PTPRM: variants seen among roughly 807,000 people sequenced by gnomAD.
The protein encoded by PTPRM is protein tyrosine phosphatase receptor type M.
In PTPRM, 47 loss-of-function variants were observed where a neutral mutation model predicts 186.7. The observed-to-expected ratio is 0.25, with a 90% CI of 0.20 to 0.32. PTPRM has a LOEUF of 0.32. PTPRM is among the 10% of genes least tolerant of loss of function. The pLI is 1.00. For missense variants in PTPRM, 1,494 were observed against 1,865.0 expected (o/e 0.80, Z 3.66); for synonymous variants, 668 against 674.9 (o/e 0.99, Z 0.16).
chr18:8,125,942 A>G lies in PTPRM; in HGVS notation c.2167+11115A>G, dbSNP rs1218774618. Among the ~76,000 whole-genome samples, 7 of 140,070 alleles carry G rather than the reference A, an allele frequency of 5.0e-5. No individual in the cohort carries two copies. The East Asian group carries it at 1.5e-3, about 30-fold the overall frequency. The allele number at this position is 140,070 out of a possible 152,430, so 91.9% of individuals were successfully genotyped here. ...TGATTTAATAACCCAGCCAACCCTG[A>G]CATGCTGTGGAGAATGCTATATGTG... is the stretch of plus-strand genomic sequence containing the variant. On this transcript the variant is annotated intron_variant, in intron 13 of 32. Transcript: ENST00000580170.
intron 2 of PTPRM, among the ~76,000 whole-genome samples, chr18:7,836,780 T>A (rs2046072920): frequency 6.6e-6 from 1 of 152,204 alleles, no homozygotes; most frequent in Non-Finnish European, 1.5e-5. Flanking sequence ...GGATAAAAGT[T>A]TTTTTTCCTT....
chr18:7,804,723 A>C (rs1464981546), intron 2 of PTPRM, among the ~76,000 whole-genome samples: 1 of 152,240 alleles, frequency 6.6e-6, no homozygotes, highest in Non-Finnish European at 1.5e-5. Context: ...ATTAAACTTT[A>C]TATAATAATG....
chr18:8,224,131 C>T (rs548575837), intron 14 of PTPRM, among the ~76,000 whole-genome samples: 2 of 152,296 alleles, frequency 1.3e-5, no homozygotes, highest in East Asian at 3.9e-4. Context: ...GATGAAACCC[C>T]ACTTTTCTAC....
chr18:8,108,254 A>C, intron 11 of PTPRM, among the ~76,000 whole-genome samples: 1 of 152,294 alleles, frequency 6.6e-6, no homozygotes, highest in African/African-American at 2.4e-5. Flanking sequence ...TCAAGCCAAA[A>C]GTCACTACTA....
chr18:8,153,609 A>G (rs1420971180), intron 14 of PTPRM, among the ~76,000 whole-genome samples: 1 of 152,240 alleles, frequency 6.6e-6, no homozygotes, highest in Non-Finnish European at 1.5e-5. Context: ...ACTTGCTATT[A>G]TCTTTAGACT....
chr18:8,059,375 A>T (rs868765250), intron 7 of PTPRM, among the ~76,000 whole-genome samples: 1,009 of 72,758 alleles, frequency 0.014, 28 homozygotes, highest in African/African-American at 0.061. Flanking sequence ...GGGGTTTTCT[A>T]GATAAACAAT....
At chr18:7,801,365 T>A (rs925365823) in intron 2 of PTPRM, among the ~76,000 whole-genome samples, 2 of 152,152 alleles carry the variant, frequency 1.3e-5, no homozygotes, top group Admixed American at 1.3e-4. Context: ...ACCCTAGGCC[T>A]AGAATTGGTC....
intron 1 of PTPRM, among the ~76,000 whole-genome samples, chr18:7,636,905 C>T (rs1442313293): frequency 6.6e-6 from 1 of 152,108 alleles, no homozygotes; most frequent in Admixed American, 6.5e-5. Flanking sequence ...TGATGGCTCA[C>T]TCCTGTAATC....
intron 1 of PTPRM, among the ~76,000 whole-genome samples, chr18:7,677,824 A>G (rs609201): frequency 0.22 from 32,684 of 151,228 alleles, 5,798 homozygotes; most frequent in African/African-American, 0.49. Flanking sequence ...AGCAGTACCC[A>G]CTCCCTTGTC....
intron 1 of PTPRM, among the ~76,000 whole-genome samples, chr18:7,599,558 C>T (rs968885487): frequency 6.6e-6 from 1 of 152,216 alleles, no homozygotes; most frequent in Non-Finnish European, 1.5e-5. Flanking sequence ...TCATTTCTTT[C>T]TGTGGCTTAA....
At chr18:8,136,879 G>A (rs889157737) in intron 13 of PTPRM, among the ~76,000 whole-genome samples, 15 of 152,176 alleles carry the variant, frequency 9.9e-5, no homozygotes, top group African/African-American at 3.1e-4. Flanking sequence ...TTTAAAACAA[G>A]GATGTTGCTG....
intron 14 of PTPRM, among the ~76,000 whole-genome samples, chr18:8,201,751 A>G (rs1313479502): frequency 6.6e-6 from 1 of 152,190 alleles, no homozygotes; most frequent in Non-Finnish European, 1.5e-5. Flanking sequence ...CCCACCCTAA[A>G]GACCTCATTT....
At position 8,391,607 on chromosome 18, in the gene PTPRM, G is replaced by C. The variant is rs529895794; in HGVS notation, c.4209-2869G>C. On this transcript the variant is annotated intron_variant, in intron 31 of 32. Transcript: ENST00000580170. ...GATACTGATGGTATTGTTGAGGAAGGAACGTGAGGGAGCCTCTTGGGGACT... is the reference window on the plus strand; with the variant it reads ...GATACTGATGGTATTGTTGAGGAAGCAACGTGAGGGAGCCTCTTGGGGACT... 4.6e-5 allele frequency among the ~76,000 whole-genome samples: 7 copies of C among 152,326 alleles called. 1 individual carries two copies. In the South Asian group the frequency reaches 1.2e-3, roughly 27 times the overall value.
At chr18:7,659,117 T>TACACACACACACACACACAC (rs10541547) in intron 1 of PTPRM, among the ~76,000 whole-genome samples, 1 of 143,916 alleles carries the variant, frequency 6.9e-6, no homozygotes, top group Non-Finnish European at 1.5e-5. Flanking sequence ...CACATGTATG[T>TACACACACACACACACACAC]ACACACACAC....
intron 4 of PTPRM, among the ~76,000 whole-genome samples, chr18:7,913,014 T>A (rs1376090121): frequency 6.6e-6 from 1 of 152,222 alleles, no homozygotes; most frequent in Admixed American, 6.5e-5. Context: ...CTTTTAAAAT[T>A]TCCTTTAATA....
intron 4 of PTPRM, among the ~76,000 whole-genome samples, chr18:7,918,015 C>T (rs1275500195): frequency 1.3e-5 from 2 of 151,874 alleles, no homozygotes; most frequent in Non-Finnish European, 2.9e-5. Flanking sequence ...GACAGGATTT[C>T]ATGCTTTTTT....
chr18:8,283,174 C>A (rs967756899), intron 19 of PTPRM, among the ~76,000 whole-genome samples: 6 of 152,130 alleles, frequency 3.9e-5, no homozygotes, highest in African/African-American at 2.4e-5. Flanking sequence ...TGGCATGGAA[C>A]TATACACACA....
intron 13 of PTPRM, among the ~76,000 whole-genome samples, chr18:8,123,720 AC>A (rs1231046372): frequency 6.6e-6 from 1 of 152,124 alleles, no homozygotes; most frequent in Non-Finnish European, 1.5e-5. Flanking sequence ...CCCCTCTAAA[AC>A]CTTGACCTTT....
chr18:8,231,917 A>T (rs1417014293), intron 14 of PTPRM, among the ~76,000 whole-genome samples: 1 of 152,158 alleles, frequency 6.6e-6, no homozygotes, highest in African/African-American at 2.4e-5. Flanking sequence ...CTCTATTGCC[A>T]CATCATTATC....
Sources: gnomAD v4.1 joint callset for allele counts (sites outside exome capture counted in the v4.1 genomes callset) on GRCh38, gnomAD v4.1.1 for gene constraint, MANE v1.5 for transcripts, NCBI Gene and HGNC (gene_info 2026-07-23, HGNC 2026-07-21) for gene names.